C8orf34: variants seen among roughly 807,000 people sequenced by gnomAD.
The protein encoded by C8orf34 is chromosome 8 open reading frame 34.
A neutral mutation model predicts 68.3 loss-of-function variants in C8orf34; 65 were observed. The ratio of observed to expected loss-of-function variants is 0.95; its 90% confidence interval spans 0.78 to 1.17. C8orf34 has a LOEUF of 1.17. C8orf34 is among the 50% of genes most tolerant of loss of function. The pLI is 0.00. For missense variants in C8orf34, 664 were observed against 655.4 expected, an observed-to-expected ratio of 1.01 and a Z score of -0.14; for synonymous variants, 244 against 241.2, an observed-to-expected ratio of 1.01 and a Z score of -0.11.
At chr8:68,639,516 A>G (rs1042553565) in intron 7 of C8orf34, among the ~76,000 whole-genome samples, 11 of 152,058 alleles carry the variant, frequency 7.2e-5, no homozygotes, top group Non-Finnish European at 1.3e-4. Flanking sequence ...TCATCAGAAG[A>G]TGGTGATTTT....
chr8:68,739,992 A>G (rs1822235426), intron 10 of C8orf34, among the ~76,000 whole-genome samples: 1 of 152,230 alleles, frequency 6.6e-6, no homozygotes, highest in African/African-American at 2.4e-5. Flanking sequence ...TGACAAAAAC[A>G]AACAATGGGG....
At chr8:68,762,582 T>C (rs1823051757) in intron 10 of C8orf34, among the ~76,000 whole-genome samples, 1 of 152,204 alleles carries the variant, frequency 6.6e-6, no homozygotes, top group Non-Finnish European at 1.5e-5. Context: ...ATTTTAGCTG[T>C]TTTCACAAAA....
chr8:68,330,962 C>T lies in C8orf34; in HGVS notation c.-51C>T, dbSNP rs1175503437. On this transcript the variant is annotated 5_prime_UTR_variant, in exon 1 of 14. Coordinates refer to ENST00000518698, the MANE Select transcript of C8orf34 (RefSeq NM_052958.4). ...TCTGCCTCGAATTTCCCCACTGCGC[C>T]GGGCGCTGCGGAGAGCGGCGAGGGT... 75 of 1,308,850 alleles carry T rather than the reference C, an allele frequency of 5.7e-5. No homozygotes were observed. Among genetic ancestry groups the T allele is most frequent in the South Asian group, 3.3e-4 (19 of 56,892 alleles). The allele number at this position is 1,308,850 out of a possible 1,614,324, so 81.1% of individuals were successfully genotyped here. A position where few individuals can be genotyped will look rare whatever the true frequency, so the allele number is the denominator to read the frequency against.
intron 12 of C8orf34, among the ~76,000 whole-genome samples, chr8:68,811,190 AG>A (rs1824640236): frequency 1.3e-5 from 2 of 152,186 alleles, no homozygotes; most frequent in Non-Finnish European, 2.9e-5. Flanking sequence ...CTGAGGCAGC[AG>A]GGGGCTGACA....
chr8:68,473,009 C>G (rs1812446827), intron 4 of C8orf34, among the ~76,000 whole-genome samples: 2 of 152,110 alleles, frequency 1.3e-5, no homozygotes, highest in South Asian at 4.1e-4. Flanking sequence ...GAGATTAACT[C>G]CAGACATCAT....
chr8:68,781,212 T>G (rs1383257079), intron 11 of C8orf34, among the ~76,000 whole-genome samples: 1 of 152,176 alleles, frequency 6.6e-6, no homozygotes, highest in Non-Finnish European at 1.5e-5. Flanking sequence ...CCACATATGA[T>G]AAATCACTGA....
At position 68,460,549 on chromosome 8, in the gene C8orf34, C is replaced by T. The variant is rs537948987; in HGVS notation, c.608-8143C>T. Among the ~76,000 whole-genome samples, 332 of 152,214 alleles carry T rather than the reference C, an allele frequency of 2.2e-3. 1 individual carries two copies. Among genetic ancestry groups the T allele is most frequent in the African/African-American group, 7.0e-3 (292 of 41,536 alleles). On this transcript the variant is annotated intron_variant, in intron 3 of 13. Transcript: ENST00000518698. ...CTAACTGGGAGGCACCCCCCAGTAG[C>T]GGCAGACTGACACCTCACATGGCCA...
intron 10 of C8orf34, among the ~76,000 whole-genome samples, chr8:68,739,404 A>T (rs1266610135): frequency 1.3e-5 from 2 of 152,090 alleles, no homozygotes; most frequent in Non-Finnish European, 2.9e-5. Context: ...CTCAGGATAC[A>T]AAATCAATGT....
chr8:68,630,532 G>A (rs561312650), intron 7 of C8orf34, among the ~76,000 whole-genome samples: 1 of 152,056 alleles, frequency 6.6e-6, no homozygotes, highest in Admixed American at 6.5e-5. Context: ...ATGATATTTA[G>A]TTGAATATAT....
chr8:68,558,517 G>A (rs1471944255), intron 7 of C8orf34, among the ~76,000 whole-genome samples: 2 of 151,740 alleles, frequency 1.3e-5, no homozygotes, highest in Non-Finnish European at 2.9e-5. Flanking sequence ...CAATATGGAG[G>A]ATTTAATTAA....
chr8:68,695,013 G>T lies in C8orf34; in HGVS notation c.1242-13981G>T, dbSNP rs7829053. Among the ~76,000 whole-genome samples the T allele has an allele frequency of 5.4e-3, 818 of 151,736 alleles. 7 individuals are homozygous for T. Among genetic ancestry groups the T allele is most frequent in the African/African-American group, 0.019 (795 of 41,386 alleles). ...TACTATCCGAATTTATATTTATTTC[G>T]CAGGGTTATGTTAAACACAAAGTTA... On this transcript the variant is annotated intron_variant, in intron 8 of 13. Coordinates refer to ENST00000518698, the MANE Select transcript of C8orf34 (RefSeq NM_052958.4).
chr8:68,793,826 G>A (rs1824083321), intron 12 of C8orf34, among the ~76,000 whole-genome samples: 1 of 151,784 alleles, frequency 6.6e-6, no homozygotes, highest in Admixed American at 6.6e-5. Context: ...AAAAGTTGAA[G>A]ATTAAAAAAA....
chr8:68,554,681 C>G (rs1816196730), intron 7 of C8orf34, among the ~76,000 whole-genome samples: 1 of 151,062 alleles, frequency 6.6e-6, no homozygotes, highest in African/African-American at 2.5e-5. Flanking sequence ...TCATAATAAC[C>G]CTATAGTGTG....
At chr8:68,461,425 C>T (rs1198914867) in intron 3 of C8orf34, among the ~76,000 whole-genome samples, 2 of 152,138 alleles carry the variant, frequency 1.3e-5, no homozygotes, top group African/African-American at 2.4e-5. Flanking sequence ...CATTCAGATT[C>T]AGGAAATACT....
At chr8:68,404,627 A>G (rs1259274937) in intron 1 of C8orf34, among the ~76,000 whole-genome samples, 1 of 152,220 alleles carries the variant, frequency 6.6e-6, no homozygotes, top group African/African-American at 2.4e-5. Context: ...TTTATTAAAT[A>G]GGGAATCCTT....
intron 13 of C8orf34, among the ~76,000 whole-genome samples, chr8:68,817,990 C>CAT (rs75596981): frequency 0.15 from 22,527 of 152,060 alleles, 1,871 homozygotes; most frequent in East Asian, 0.43. Context: ...TGTAATTCAA[C>CAT]GAGATTCGGG....
chr8:68,767,088 G>T (rs987841789), intron 10 of C8orf34, among the ~76,000 whole-genome samples: 1 of 152,146 alleles, frequency 6.6e-6, no homozygotes, highest in African/African-American at 2.4e-5. Context: ...CAGCTACTCG[G>T]GAGGCTAAGG....
At chr8:68,708,767 T>C (rs953520343) in intron 8 of C8orf34, among the ~76,000 whole-genome samples, 1 of 152,184 alleles carries the variant, frequency 6.6e-6, no homozygotes, top group African/African-American at 2.4e-5. Context: ...TCTACCTAGA[T>C]AAATCCTGGT....
At chr8:68,607,221 C>A (rs1245305362) in intron 7 of C8orf34, among the ~76,000 whole-genome samples, 1 of 152,074 alleles carries the variant, frequency 6.6e-6, no homozygotes, top group Non-Finnish European at 1.5e-5. Flanking sequence ...TGTTTCCCTG[C>A]AATGAATAAT....
Sources: gnomAD v4.1 joint callset for allele counts (sites outside exome capture counted in the v4.1 genomes callset) on GRCh38, gnomAD v4.1.1 for gene constraint, MANE v1.5 for transcripts, NCBI Gene and HGNC (gene_info 2026-07-23, HGNC 2026-07-21) for gene names.